ZNF423: variants seen among roughly 807,000 people sequenced by gnomAD.
The protein encoded by ZNF423 is zinc finger protein 423.
Under a neutral mutation model 95.8 loss-of-function variants are expected in ZNF423, and 12 were observed. The ratio of observed to expected loss-of-function variants is 0.13; its 90% CI spans 0.08 to 0.20. The LOEUF (loss-of-function observed/expected upper bound fraction) is 0.20. Ranked by LOEUF, ZNF423 falls within the 10% of genes least tolerant of loss-of-function variation. The probability of loss-of-function intolerance (pLI) is 1.00; values close to 1 mark genes in which losing one functional copy is unlikely to be tolerated. For synonymous variants in ZNF423, 749 were observed against 711.9 expected, an observed-to-expected ratio of 1.05 and a Z score of -0.83; for missense variants, 1,316 against 1,737.1, an observed-to-expected ratio of 0.76 and a Z score of 4.31.
chr16:49,830,199 G>A (rs2035047086), intron 1 of ZNF423, among the ~76,000 whole-genome samples: 1 of 152,168 alleles, frequency 6.6e-6, no homozygotes, highest in African/African-American at 2.4e-5. Context: ...GAAGGAGAAG[G>A]AGCCAGGCAG....
At chr16:49,615,913 G>A (rs1386216782) in intron 5 of ZNF423, among the ~76,000 whole-genome samples, 4 of 152,212 alleles carry the variant, frequency 2.6e-5, no homozygotes, top group Non-Finnish European at 4.4e-5. Flanking sequence ...TTTGCTATCA[G>A]CCTGCAAGTC....
Position 49,638,812 on chromosome 16 carries a change from A to G in ZNF423, c.364T>C (p.Ser122Pro). 6.2e-7 allele frequency: 1 copy of G among 1,613,928 alleles called. No homozygotes were observed. Among genetic ancestry groups the G allele is most frequent in the Non-Finnish European group, 8.5e-7 (1 of 1,179,896 alleles). The change falls in exon 4 of 8, where the codon TCA becomes CCA. Residue 122 changes from serine to proline, a missense_variant. Physicochemically the swap from Ser to Pro is moderately conservative, Grantham distance 74. This residue lies in a region of ZNF423 where 155 missense variants were observed against 170.8 expected (regional missense o/e 0.91). Transcript: ENST00000563137. This position sits in a 1 kb window ranked among gnomAD's most constrained non-coding sequence, Gnocchi z 5.6. ...ASSPSSKDVASPTQMIGDGCD... is the reference protein window; with the variant it reads ...ASSPSSKDVAPPTQMIGDGCD... ...CCATCTCCGATCATCTGCGTGGGTGACGCAACATCCTTGCTGGAGGGAGAC... is the reference window on the plus strand; with the variant it reads ...CCATCTCCGATCATCTGCGTGGGTGGCGCAACATCCTTGCTGGAGGGAGAC...
intron 2 of ZNF423, among the ~76,000 whole-genome samples, chr16:49,768,264 G>A (rs893345018): frequency 1.3e-5 from 2 of 152,100 alleles, no homozygotes; most frequent in African/African-American, 4.8e-5. Flanking sequence ...GGACACCCCC[G>A]GATGGGCCAG....
intron 1 of ZNF423, among the ~76,000 whole-genome samples, chr16:49,807,651 C>T (rs8046008): frequency 0.23 from 35,099 of 152,178 alleles, 4,111 homozygotes; most frequent in Non-Finnish European, 0.24. Context: ...GCCCACCCAC[C>T]GTGGGGAGCT....
chr16:49,534,375 GC>G (rs1021634220), intron 5 of ZNF423, among the ~76,000 whole-genome samples: 2 of 151,914 alleles, frequency 1.3e-5, no homozygotes, highest in African/African-American at 4.8e-5. Flanking sequence ...TGCCTTAGCC[GC>G]CCAAGTAGGT....
chr16:49,525,948 G>A (rs896680100), intron 5 of ZNF423, among the ~76,000 whole-genome samples: 1 of 152,236 alleles, frequency 6.6e-6, no homozygotes, highest in African/African-American at 2.4e-5. Flanking sequence ...AACAAATAAT[G>A]TCTCTGCCCC....
At chr16:49,614,483 T>TC (rs1971814434) in intron 5 of ZNF423, among the ~76,000 whole-genome samples, 3 of 152,098 alleles carry the variant, frequency 2.0e-5, no homozygotes, top group Non-Finnish European at 4.4e-5. Flanking sequence ...TAAATATAAT[T>TC]CCATTTATAT....
intron 7 of ZNF423, among the ~76,000 whole-genome samples, chr16:49,508,599 G>A (rs1341092288): frequency 1.3e-5 from 2 of 150,836 alleles, no homozygotes; most frequent in Non-Finnish European, 2.9e-5. Context: ...TGGACTGTGA[G>A]TTTTCACCCT....
At chr16:49,493,352 C>T (rs574754048) in intron 7 of ZNF423, among the ~76,000 whole-genome samples, 1 of 152,312 alleles carries the variant, frequency 6.6e-6, no homozygotes, top group Admixed American at 6.5e-5. Flanking sequence ...CAGCCACGCA[C>T]CTCTCATGAG....
intron 2 of ZNF423, among the ~76,000 whole-genome samples, chr16:49,739,543 C>T (rs1247198160): frequency 6.6e-6 from 1 of 152,094 alleles, no homozygotes; most frequent in East Asian, 1.9e-4. Context: ...CCACCTCCTC[C>T]GTGAAGGGGT....
rs201159467 is a variant in ZNF423, at chr16:49,681,772, CT to C, written c.302-42899del. ...CCTTTCATATTATGATTTTCTTTTT[CT>C]TTTTCTTTTTAAGACAGGGACTTGC... On this transcript the variant is annotated intron_variant, in intron 3 of 7. Coordinates refer to ENST00000563137, the MANE Select transcript of ZNF423 (RefSeq NM_001379286.1). 8.3e-3 allele frequency among the ~76,000 whole-genome samples: 1,259 copies of C among 152,136 alleles called. 7 individuals carry two copies. Among genetic ancestry groups the C allele is most frequent in the Non-Finnish European group, 0.013 (913 of 67,976 alleles).
chr16:49,507,590 C>T (rs1257947196), intron 7 of ZNF423, among the ~76,000 whole-genome samples: 1 of 151,958 alleles, frequency 6.6e-6, no homozygotes, highest in Non-Finnish European at 1.5e-5. Flanking sequence ...TCACTTGCCT[C>T]CTCCGCTCAA....
chr16:49,688,443 TG>T (rs1273879860), intron 3 of ZNF423, among the ~76,000 whole-genome samples: 10 of 152,216 alleles, frequency 6.6e-5, no homozygotes, highest in Non-Finnish European at 1.5e-5. Flanking sequence ...GCTGGAGGTT[TG>T]GGCCAGGGAG....
At chr16:49,763,332 G>A (rs1243993783) in intron 2 of ZNF423, among the ~76,000 whole-genome samples, 1 of 150,226 alleles carries the variant, frequency 6.7e-6, no homozygotes, top group African/African-American at 2.5e-5. Flanking sequence ...AGGCTGGAGT[G>A]CAGTGGAACA....
At chr16:49,589,195 A>T (rs534620437) in intron 5 of ZNF423, among the ~76,000 whole-genome samples, 1 of 152,304 alleles carries the variant, frequency 6.6e-6, no homozygotes, top group African/African-American at 2.4e-5. Flanking sequence ...GTCCATCACA[A>T]AGGGGAAAAC....
intron 5 of ZNF423, among the ~76,000 whole-genome samples, chr16:49,614,821 A>C (rs1283039903): frequency 6.6e-6 from 1 of 152,216 alleles, no homozygotes; most frequent in Non-Finnish European, 1.5e-5. Flanking sequence ...ATAAAAGCCC[A>C]GGAGGGGCTT....
intron 3 of ZNF423, among the ~76,000 whole-genome samples, chr16:49,669,502 T>C (rs1431149062): frequency 6.6e-6 from 1 of 152,156 alleles, no homozygotes; most frequent in Non-Finnish European, 1.5e-5. Context: ...ATCTCAGCCA[T>C]TCTTAAGCTA....
chr16:49,702,600 C>T (rs1408759481), intron 3 of ZNF423, among the ~76,000 whole-genome samples: 1 of 152,188 alleles, frequency 6.6e-6, no homozygotes, highest in Non-Finnish European at 1.5e-5. Context: ...CAAGGAGAGG[C>T]TGGATGGCGG....
chr16:49,580,021 G>A (rs1467774237), intron 5 of ZNF423, among the ~76,000 whole-genome samples: 1 of 152,184 alleles, frequency 6.6e-6, no homozygotes, highest in African/African-American at 2.4e-5. Flanking sequence ...CCACCCACGG[G>A]ACCCTGAGCT....
Sources: gnomAD v4.1 joint callset for allele counts (sites outside exome capture counted in the v4.1 genomes callset) on GRCh38, gnomAD v4.1.1 for gene constraint, gnomAD v4.1.1 regional missense constraint, Gnocchi (gnomAD v3.1) non-coding constraint, MANE v1.5 for transcripts, NCBI Gene and HGNC (gene_info 2026-07-23, HGNC 2026-07-21) for gene names.